STAT4: variants seen among roughly 807,000 people sequenced by gnomAD.
STAT4 encodes the protein signal transducer and activator of transcription 4.
In STAT4, 42 loss-of-function variants were observed where a neutral mutation model predicts 110.5. The observed-to-expected ratio is 0.38, with a 90% CI of 0.30 to 0.49. The LOEUF (loss-of-function observed/expected upper bound fraction) is 0.49, where lower values mean the gene tolerates loss of function less well. Ranked by LOEUF, STAT4 falls within the 20% of genes least tolerant of loss-of-function variation. The pLI is 0.95. For missense variants in STAT4, 632 were observed against 887.9 expected (o/e 0.71, Z 3.66); for synonymous variants, 284 against 302.2 (o/e 0.94, Z 0.63).
In STAT4 at chr2:191,140,124, A is replaced by G. The variant is rs1699282636; in HGVS notation, c.273+6489T>C. On this transcript the variant is annotated intron_variant, in intron 3 of 23. Transcript: ENST00000392320. This position sits in a 1 kb window ranked among gnomAD's most constrained non-coding sequence, Gnocchi z 4.4. Reference sequence around the variant, plus strand: ...CATGGATCAAAGATTTAAATCTAAGACCTGAAGCCATAAAAATTCTAGAAC... The same window carrying G: ...CATGGATCAAAGATTTAAATCTAAGGCCTGAAGCCATAAAAATTCTAGAAC... Among the ~76,000 whole-genome samples the G allele has an allele frequency of 6.6e-6, 1 of 152,204 alleles. No homozygotes were observed. The highest frequency in any genetic ancestry group is 1.9e-4 in the East Asian group (1 of 5,204).
At chr2:191,139,424 G>A (rs528756533) in intron 3 of STAT4, among the ~76,000 whole-genome samples, 1 of 152,084 alleles carries the variant, frequency 6.6e-6, no homozygotes, top group South Asian at 2.1e-4. Flanking sequence ...ATCAATGTAC[G>A]CAAATCAGTA....
In STAT4 at chr2:191,031,154, G is replaced by C; in HGVS notation, c.2112-74C>G. On this transcript the variant is annotated intron_variant, in intron 22 of 23. Transcript: ENST00000392320. The surrounding 1 kb of genome is among the most constrained non-coding windows in gnomAD (Gnocchi z 4.8). ...TAGTTCACGGTGACTTACTATGTCA[G>C]GAACTCATTTCTAGGGCTTCATCTA... 1 of 1,459,850 alleles carries C rather than the reference G, an allele frequency of 6.9e-7. No homozygotes were observed. Among genetic ancestry groups the C allele is most frequent in the Non-Finnish European group, 9.6e-7 (1 of 1,045,544 alleles). 90.4% of individuals were successfully genotyped at this position (1,459,850 alleles called of 1,614,324 possible).
At chr2:191,101,048 T>C (rs768346209) in intron 3 of STAT4, among the ~76,000 whole-genome samples, 2 of 152,148 alleles carry the variant, frequency 1.3e-5, no homozygotes, top group Non-Finnish European at 2.9e-5. Flanking sequence ...GTCAAATCTC[T>C]ACCCTGCCTT....
At chr2:191,038,319 A>G (rs191202438) in intron 16 of STAT4, among the ~76,000 whole-genome samples, 1 of 152,256 alleles carries the variant, frequency 6.6e-6, no homozygotes, top group Admixed American at 6.5e-5. Context: ...CTTGAGGAGG[A>G]GAAGGAGTAG....
rs1216152896 is a variant in STAT4, at chr2:191,086,579, G to A, written c.274-10254C>T. ...ATGATGTTGTCTTTAGTAAAATTGG[G>A]GGATTGGAAAGAGAAAAATTATGTT... On this transcript the variant is annotated intron_variant, in intron 3 of 23. Coordinates refer to ENST00000392320, the MANE Select transcript of STAT4 (RefSeq NM_003151.4). This position sits in a 1 kb window ranked among gnomAD's most constrained non-coding sequence, Gnocchi z 5.5. Among the ~76,000 whole-genome samples, 1 of 152,056 alleles carries A rather than the reference G, an allele frequency of 6.6e-6. No individual in the cohort carries two copies.
intron 14 of STAT4, among the ~76,000 whole-genome samples, chr2:191,042,000 A>G (rs1696213241): frequency 1.3e-5 from 2 of 152,222 alleles, no homozygotes; most frequent in Admixed American, 1.3e-4. Flanking sequence ...GGTTAAGCCC[A>G]TGCTTGCCCC....
chr2:191,129,653 A>G (rs1574185459), intron 3 of STAT4, among the ~76,000 whole-genome samples: 1 of 152,178 alleles, frequency 6.6e-6, no homozygotes, highest in Non-Finnish European at 1.5e-5. Flanking sequence ...TCTTGACTCA[A>G]AACAGTTCAT....
Position 191,058,148 on chromosome 2 carries a change from G to A in STAT4, c.1113-37C>T. On this transcript the variant is annotated intron_variant, in intron 12 of 23. Coordinates refer to ENST00000392320, the MANE Select transcript of STAT4 (RefSeq NM_003151.4). The surrounding 1 kb of genome is among the most constrained non-coding windows in gnomAD (Gnocchi z 4.3). ...ATCTTAGCTATTTACATGGTCTCAG[G>A]TAAAATAAATTTACAAGAGCAGCAA... 6.2e-7 allele frequency: 1 copy of A among 1,613,472 alleles called. No homozygotes were observed. Among genetic ancestry groups the A allele is most frequent in the Non-Finnish European group, 8.5e-7 (1 of 1,179,546 alleles).
chr2:191,148,259 C>T (rs932843519), intron 1 of STAT4, 55 bp from the exon 2 acceptor site: 1 of 1,565,514 alleles, frequency 6.4e-7, no homozygotes, highest in African/African-American at 1.4e-5. Context: ...AGCCCTAGTA[C>T]ATATTTTCTT....
At chr2:191,121,552 G>A (rs1014963772) in intron 3 of STAT4, among the ~76,000 whole-genome samples, 26 of 152,070 alleles carry the variant, frequency 1.7e-4, no homozygotes, top group African/African-American at 6.3e-4. Flanking sequence ...ACTGGATTAA[G>A]AAAATGTGGC....
intron 5 of STAT4, among the ~76,000 whole-genome samples, chr2:191,071,613 C>T (rs1697154823): frequency 6.6e-6 from 1 of 152,084 alleles, no homozygotes; most frequent in African/African-American, 2.4e-5. Flanking sequence ...TCAGTAATTG[C>T]AAAAGGTGAA....
chr2:191,107,579 G>C lies in STAT4; in HGVS notation c.274-31254C>G, dbSNP rs1194317896. Among the ~76,000 whole-genome samples, 1 of 152,194 alleles carries C rather than the reference G, an allele frequency of 6.6e-6. No individual in the cohort carries two copies. Among genetic ancestry groups the C allele is most frequent in the Non-Finnish European group, 1.5e-5 (1 of 68,024 alleles). Reference sequence around the variant, plus strand: ...AATCTGAGGCAGGGTTTTAACCCCAGGTATCTGATCTGCAGACCCATGTAC... The same window carrying C: ...AATCTGAGGCAGGGTTTTAACCCCACGTATCTGATCTGCAGACCCATGTAC... On this transcript the variant is annotated intron_variant, in intron 3 of 23. Transcript: ENST00000392320. This position sits in a 1 kb window ranked among gnomAD's most constrained non-coding sequence, Gnocchi z 4.2.
intron 3 of STAT4, among the ~76,000 whole-genome samples, chr2:191,111,791 T>C (rs1005900562): frequency 2.0e-5 from 3 of 152,122 alleles, no homozygotes; most frequent in African/African-American, 4.8e-5. Flanking sequence ...ACCCAGGAGT[T>C]TGAGGCTGCA....
chr2:191,139,424 G>C (rs528756533), intron 3 of STAT4, among the ~76,000 whole-genome samples: 5 of 152,202 alleles, frequency 3.3e-5, no homozygotes, highest in African/African-American at 1.2e-4. Flanking sequence ...ATCAATGTAC[G>C]CAAATCAGTA....
Position 191,030,684 on chromosome 2 carries a change from A to G in STAT4, c.2220+288T>C, listed in dbSNP as rs1048145914. ...GGGGAGTGAGGGGGCCCATGGTGCA[A>G]GCAGCGATAGTGTGCTTGAGTAGGG... On this transcript the variant is annotated intron_variant, in intron 23 of 23. Coordinates refer to ENST00000392320, the MANE Select transcript of STAT4 (RefSeq NM_003151.4). This position sits in a 1 kb window ranked among gnomAD's most constrained non-coding sequence, Gnocchi z 4.4. 1 of 282,338 alleles carries G rather than the reference A, an allele frequency of 3.5e-6. No homozygotes were observed. The highest frequency in any genetic ancestry group is 1.2e-3 in the Middle Eastern group (1 of 818). The allele number at this position is 282,338 out of a possible 1,614,324, so 17.5% of individuals were successfully genotyped here.
At chr2:191,123,754 C>T (rs1282257704) in intron 3 of STAT4, among the ~76,000 whole-genome samples, 1 of 152,142 alleles carries the variant, frequency 6.6e-6, no homozygotes, top group African/African-American at 2.4e-5. Context: ...GTTGTTCATC[C>T]TCATGTTTGC....
rs747999120 is a variant in STAT4 at position 191,110,777 on chromosome 2, T to TTTTG, written c.274-34456_274-34453dup. 2.2e-4 allele frequency among the ~76,000 whole-genome samples: 34 copies of TTTTG among 152,188 alleles called. No individual in the cohort carries two copies. Among genetic ancestry groups the TTTTG allele is most frequent in the African/African-American group, 6.0e-4 (25 of 41,500 alleles). On this transcript the variant is annotated intron_variant, in intron 3 of 23. Coordinates refer to ENST00000392320, the MANE Select transcript of STAT4 (RefSeq NM_003151.4). The surrounding 1 kb of genome is among the most constrained non-coding windows in gnomAD (Gnocchi z 4.5). ...ATTGAATTATATTTTATTTTTAAAT[T>TTTTG]TTTGTTTGTTTGTTTGTTTGTTTTG... is the stretch of plus-strand genomic sequence containing the variant.
intron 3 of STAT4, among the ~76,000 whole-genome samples, chr2:191,106,001 A>C (rs1204962755): frequency 1.3e-5 from 2 of 152,214 alleles, no homozygotes; most frequent in Non-Finnish European, 2.9e-5. Context: ...GACAGGGGAA[A>C]GAACAGGGGC....
chr2:191,082,472 AT>A lies in STAT4; in HGVS notation c.274-6148del, dbSNP rs1383731257. Among the ~76,000 whole-genome samples the A allele has an allele frequency of 6.6e-6, 1 of 152,270 alleles. No homozygotes were observed. Among genetic ancestry groups the A allele is most frequent in the Non-Finnish European group, 1.5e-5 (1 of 68,050 alleles). ...CATGATAGCTTTGACCCAGTTTCAC[AT>A]CACAGGCAATGACAACGATGTTGTG... On this transcript the variant is annotated intron_variant, in intron 3 of 23. Coordinates refer to ENST00000392320, the MANE Select transcript of STAT4 (RefSeq NM_003151.4). This position sits in a 1 kb window ranked among gnomAD's most constrained non-coding sequence, Gnocchi z 4.7.
Sources: gnomAD v4.1 joint callset for allele counts (sites outside exome capture counted in the v4.1 genomes callset) on GRCh38, gnomAD v4.1.1 for gene constraint, Gnocchi (gnomAD v3.1) non-coding constraint, MANE v1.5 for transcripts, NCBI Gene and HGNC (gene_info 2026-07-23, HGNC 2026-07-21) for gene names.